Variants in ZBTB16 observed in about 807,000 individuals in gnomAD.
ZBTB16 encodes zinc finger and BTB domain-containing protein 16.
A neutral mutation model predicts 56.8 loss-of-function variants in ZBTB16; 8 were observed. The ratio of observed to expected loss-of-function variants is 0.14; its 90% confidence interval spans 0.08 to 0.25. ZBTB16 has a LOEUF of 0.25. ZBTB16 is among the 10% of genes least tolerant of loss of function. The pLI, the probability that ZBTB16 is intolerant of heterozygous loss-of-function variation, is 1.00. For missense variants in ZBTB16, 625 were observed against 903.0 expected, an observed-to-expected ratio of 0.69 and a Z score of 3.95; for synonymous variants, 363 against 368.5, an observed-to-expected ratio of 0.98 and a Z score of 0.17.
At chr11:114,171,338 G>A (rs1299824419) in intron 3 of ZBTB16, among the ~76,000 whole-genome samples, 1 of 152,218 alleles carries the variant, frequency 6.6e-6, no homozygotes, top group African/African-American at 2.4e-5. Context: ...AACATTCCTA[G>A]ACATACAGTC....
intron 2 of ZBTB16, among the ~76,000 whole-genome samples, chr11:114,125,682 C>T (rs562912728): frequency 4.6e-5 from 7 of 152,248 alleles, no homozygotes; most frequent in Non-Finnish European, 7.4e-5. Flanking sequence ...TCAGTCGGAC[C>T]TCCTGGCCTC....
chr11:114,063,377 A>G lies in ZBTB16; in HGVS notation c.77A>G (p.Gln26Arg). Residue 26 changes from glutamine (Q) to arginine (R), a missense_variant, in exon 2 of 7, where the codon CAG (glutamine) becomes CGG (arginine). Gln to Arg is a conservative substitution (Grantham distance 43). Transcript: ENST00000335953. The surrounding 1 kb of genome is among the most constrained non-coding windows in gnomAD (Gnocchi z 6.5). The part of the protein sequence containing the change: ...HPTGLLCKAN[Q>R]MRLAGTLCDV... The stretch of plus-strand genomic sequence containing the variant: ...ACGGGGCTACTGTGCAAGGCCAACC[A>G]GATGCGGCTGGCCGGGACTTTGTGC... 6.2e-7 allele frequency: 1 copy of G among 1,614,162 alleles called. No individual in the cohort carries two copies. The highest frequency in any genetic ancestry group is 8.5e-7 in the Non-Finnish European group (1 of 1,180,036).
chr11:114,238,752 C>T (rs1026305392), intron 4 of ZBTB16, among the ~76,000 whole-genome samples: 1 of 152,174 alleles, frequency 6.6e-6, no homozygotes, highest in African/African-American at 2.4e-5. Context: ...CCATCACCCT[C>T]CCAGCTTGTC....
intron 2 of ZBTB16, among the ~76,000 whole-genome samples, chr11:114,071,343 A>C (rs936593329): frequency 4.7e-5 from 7 of 149,088 alleles, no homozygotes; most frequent in African/African-American, 1.7e-4. Context: ...GATTTCCTTT[A>C]TTTTATTTTC....
chr11:114,080,432 C>G (rs1287835255), intron 2 of ZBTB16, among the ~76,000 whole-genome samples: 2 of 152,152 alleles, frequency 1.3e-5, no homozygotes, highest in South Asian at 2.1e-4. Context: ...CATGCTCGCT[C>G]TCGCTGGTGC....
chr11:114,063,988 G>A lies in ZBTB16; in HGVS notation c.688G>A (p.Ala230Thr). 1 of 1,613,640 alleles carries A rather than the reference G, an allele frequency of 6.2e-7. No individual in the cohort carries two copies. The highest frequency in any genetic ancestry group is 8.5e-7 in the Non-Finnish European group (1 of 1,179,880). The change falls in exon 2 of 7, where the codon GCT (alanine) becomes ACT (threonine). Residue 230 changes from alanine to threonine, a missense_variant. Ala to Thr is a moderately conservative substitution (Grantham distance 58). Transcript: ENST00000335953. This position sits in a 1 kb window ranked among gnomAD's most constrained non-coding sequence, Gnocchi z 6.5. ...TGCAGGGCCCGAGGAGCCAACTCTG[G>A]CTGGGGGTGGGCGGCACCCTGGGGT... is the stretch of plus-strand genomic sequence containing the variant. ...PPAGPEEPTL[A>T]GGGRHPGVAE...
At chr11:114,099,903 A>G (rs1250856548) in intron 2 of ZBTB16, among the ~76,000 whole-genome samples, 8 of 152,200 alleles carry the variant, frequency 5.3e-5, no homozygotes, top group Admixed American at 1.3e-4. Flanking sequence ...ACACTCTTCA[A>G]TGCTCCTGTG....
intron 3 of ZBTB16, among the ~76,000 whole-genome samples, chr11:114,166,545 G>A (rs1043472484): frequency 6.6e-6 from 1 of 152,114 alleles, no homozygotes; most frequent in South Asian, 2.1e-4. Flanking sequence ...ACTCAAATTT[G>A]TTCCTTTGCT....
chr11:114,116,095 T>C (rs1276353655), intron 2 of ZBTB16, among the ~76,000 whole-genome samples: 1 of 152,204 alleles, frequency 6.6e-6, no homozygotes, highest in Non-Finnish European at 1.5e-5. Context: ...GCTTCAAGGT[T>C]TGCTGAAATT....
chr11:114,078,936 C>T (rs1939663223), intron 2 of ZBTB16, among the ~76,000 whole-genome samples: 1 of 151,768 alleles, frequency 6.6e-6, no homozygotes, highest in South Asian at 2.1e-4. Flanking sequence ...CCTGTAATCC[C>T]AGCTAGTCGG....
chr11:114,221,632 GGC>G (rs1944233713), intron 4 of ZBTB16, among the ~76,000 whole-genome samples: 2 of 152,110 alleles, frequency 1.3e-5, no homozygotes, highest in Non-Finnish European at 2.9e-5. Flanking sequence ...CCAAGACTCA[GGC>G]TGCCAGAGTG....
At chr11:114,177,088 G>A (rs2135029594) in intron 3 of ZBTB16, among the ~76,000 whole-genome samples, 1 of 152,334 alleles carries the variant, frequency 6.6e-6, no homozygotes, top group East Asian at 1.9e-4. Context: ...TCAGCTTGAT[G>A]AAGTGAAATT....
intron 1 of ZBTB16, among the ~76,000 whole-genome samples, chr11:114,062,207 G>A (rs1938906695): frequency 6.6e-6 from 1 of 151,768 alleles, no homozygotes; most frequent in South Asian, 2.1e-4. Flanking sequence ...GGTTTCAAGT[G>A]ATTCTCCTGC....
chr11:114,209,312 A>G, intron 4 of ZBTB16: 1 of 882,142 alleles, frequency 1.1e-6, no homozygotes, highest in Non-Finnish European at 1.4e-6. Flanking sequence ...TTTTTTGTGT[A>G]TGCATGTGTA....
At chr11:114,122,401 G>A (rs1282891627) in intron 2 of ZBTB16, among the ~76,000 whole-genome samples, 1 of 152,180 alleles carries the variant, frequency 6.6e-6, no homozygotes, top group African/African-American at 2.4e-5. Context: ...TAAACAGAGA[G>A]AAGACACTGG....
intron 5 of ZBTB16, among the ~76,000 whole-genome samples, chr11:114,243,277 G>C (rs1161788485): frequency 6.6e-6 from 1 of 152,232 alleles, no homozygotes; most frequent in Non-Finnish European, 1.5e-5. Flanking sequence ...GCGTATACTT[G>C]TAAAAACCTC....
intron 2 of ZBTB16, among the ~76,000 whole-genome samples, chr11:114,095,743 A>C (rs1189908248): frequency 6.6e-6 from 1 of 152,150 alleles, no homozygotes; most frequent in East Asian, 1.9e-4. Context: ...TAAACCCTAA[A>C]TCCCTTTCAC....
At chr11:114,135,324 TG>T (rs1461278273) in intron 2 of ZBTB16, among the ~76,000 whole-genome samples, 1 of 152,196 alleles carries the variant, frequency 6.6e-6, no homozygotes, top group Non-Finnish European at 1.5e-5. Flanking sequence ...TCCCTAAAGA[TG>T]TCATCCTAGT....
chr11:114,219,736 A>T (rs990492795), intron 4 of ZBTB16, among the ~76,000 whole-genome samples: 16 of 152,170 alleles, frequency 1.1e-4, no homozygotes, highest in African/African-American at 3.4e-4. Flanking sequence ...GCATTGTATA[A>T]GCTGTTTGCA....
Sources: gnomAD v4.1 joint callset for allele counts (sites outside exome capture counted in the v4.1 genomes callset) on GRCh38, gnomAD v4.1.1 for gene constraint, Gnocchi (gnomAD v3.1) non-coding constraint, MANE v1.5 for transcripts, NCBI Gene and HGNC (gene_info 2026-07-23, HGNC 2026-07-21) for gene names.